Variants in C11orf97 observed in about 807,000 individuals in gnomAD.
The protein encoded by C11orf97 is chromosome 11 open reading frame 97.
A neutral mutation model predicts 16.2 loss-of-function variants in C11orf97; 15 were observed. That is an observed-to-expected ratio of 0.93 (90% CI 0.62 to 1.43). C11orf97 has a LOEUF of 1.43. C11orf97 is among the 40% of genes most tolerant of loss of function. C11orf97 has a pLI of 0.00. For synonymous variants in C11orf97, 61 were observed against 65.7 expected (o/e 0.93, Z 0.34); for missense variants, 171 against 161.2 (o/e 1.06, Z -0.33).
chr11:94,532,086 C>A lies in C11orf97; in HGVS notation c.*186C>A. The A allele has an allele frequency of 2.5e-6, 1 of 398,940 alleles. No individual in the cohort carries two copies. The highest frequency in any genetic ancestry group is 4.4e-6 in the Non-Finnish European group (1 of 228,476). 24.7% of individuals were successfully genotyped at this position (398,940 alleles called of 1,614,324 possible). A position where few individuals can be genotyped will look rare whatever the true frequency, so the allele number is the denominator to read the frequency against. ...GTAATGAAAGACTATTGGTAATGTTCAGTAAGTACCTGAAAACAATAAAGG... is the reference window on the plus strand; with the variant it reads ...GTAATGAAAGACTATTGGTAATGTTAAGTAAGTACCTGAAAACAATAAAGG... On this transcript the variant is annotated 3_prime_UTR_variant, in exon 4 of 4. Transcript: ENST00000542198.
chr11:94,520,441 G>A (rs1341097943), intron 2 of C11orf97, among the ~76,000 whole-genome samples: 3 of 152,042 alleles, frequency 2.0e-5, no homozygotes, highest in African/African-American at 4.8e-5. Context: ...CCCTCACACC[G>A]TGGGATATCT....
intron 3 of C11orf97, among the ~76,000 whole-genome samples, chr11:94,531,526 CAAA>C (rs35270400): frequency 0.15 from 13,705 of 91,942 alleles, 762 homozygotes; most frequent in African/African-American, 0.25. Flanking sequence ...CAAAACAAGC[CAAA>C]AAAAAAAAAA....
intron 1 of C11orf97, among the ~76,000 whole-genome samples, chr11:94,516,690 T>A (rs1000611251): frequency 1.6e-4 from 24 of 152,292 alleles, no homozygotes; most frequent in African/African-American, 5.5e-4. Context: ...GAGGGTGCCA[T>A]GATAAAAAGT....
At chr11:94,527,630 G>T (rs1947709876) in intron 2 of C11orf97, among the ~76,000 whole-genome samples, 2 of 152,194 alleles carry the variant, frequency 1.3e-5, no homozygotes, top group Admixed American at 1.3e-4. Context: ...CATCTAGTTT[G>T]TGGCTTTTAG....
Position 94,528,154 on chromosome 11 carries a change from C to A in C11orf97, c.321C>A (p.Ser107Arg). Reference sequence around the variant, plus strand: ...GAGGCTTGAAGCCAGGACTGCCGAGCAGAAACAGTTTATTGCCACAAGCCA... The same window carrying A: ...GAGGCTTGAAGCCAGGACTGCCGAGAAGAAACAGTTTATTGCCACAAGCCA... Reference protein sequence around the residue: ...PVGGLKPGLPSRNSLLPQAKY... With the variant: ...PVGGLKPGLPRRNSLLPQAKY... Residue 107 changes from serine to arginine, a missense_variant, in exon 3 of 4, where the codon AGC (serine) becomes AGA (arginine). Coordinates refer to ENST00000542198, the MANE Select transcript of C11orf97 (RefSeq NM_001190462.2). 1 of 1,535,950 alleles carries A rather than the reference C, an allele frequency of 6.5e-7. No individual in the cohort carries two copies. The highest frequency in any genetic ancestry group is 8.7e-7 in the Non-Finnish European group (1 of 1,146,806).
chr11:94,523,493 A>G (rs1438466451), intron 2 of C11orf97, among the ~76,000 whole-genome samples: 1 of 152,182 alleles, frequency 6.6e-6, no homozygotes, highest in South Asian at 2.1e-4. Context: ...TATTTATTGA[A>G]CTTATTGAAG....
intron 2 of C11orf97, among the ~76,000 whole-genome samples, chr11:94,518,071 C>A (rs1041226416): frequency 6.1e-5 from 9 of 148,404 alleles, no homozygotes. Flanking sequence ...ATGGCGTGAA[C>A]CGGGAGGCAG....
At chr11:94,517,524 T>C (rs1045720066) in intron 1 of C11orf97, 59 bp from the exon 2 acceptor site, 35 of 987,600 alleles carry the variant, frequency 3.5e-5, no homozygotes, top group African/African-American at 8.3e-5. Context: ...GTAGATATAA[T>C]GGCTAGAAGA....
chr11:94,517,616 G>C lies in C11orf97; in HGVS notation c.179G>C (p.Arg60Thr), dbSNP rs1448963374. 2.6e-6 allele frequency: 4 copies of C among 1,531,766 alleles called. No individual in the cohort carries two copies. Among genetic ancestry groups the C allele is most frequent in the Non-Finnish European group, 3.5e-6 (4 of 1,145,494 alleles). 94.9% of individuals were successfully genotyped at this position (1,531,766 alleles called of 1,614,324 possible). The change falls in exon 2 of 4, where the codon AGA (arginine) becomes ACA (threonine). Residue 60 changes from arginine (R) to threonine (T), a missense_variant. Arg to Thr is a moderately conservative substitution (Grantham distance 71, BLOSUM62 -1). Transcript: ENST00000542198. ...KKFLYCEPHKRIKEVLEEERH... is the reference protein window; with the variant it reads ...KKFLYCEPHKTIKEVLEEERH... The stretch of plus-strand genomic sequence containing the variant: ...TTTTTATATTGTGAGCCACATAAGA[G>C]AATTAAGGAAGTACTGGAAGAAGAA...
chr11:94,518,120 C>T (rs1413488489), intron 2 of C11orf97, among the ~76,000 whole-genome samples: 1 of 135,264 alleles, frequency 7.4e-6, no homozygotes, highest in Non-Finnish European at 1.5e-5. Flanking sequence ...TGTACCCCAG[C>T]CTGGGTGACA....
rs972106629 is a variant in C11orf97, at chr11:94,528,123, C to T, written c.290C>T (p.Pro97Leu). The change falls in exon 3 of 4, where the codon CCT (proline) becomes CTT (leucine). Residue 97 changes from proline (P) to leucine (L), a missense_variant. Physicochemically the swap from Pro to Leu is moderately conservative, Grantham distance 98. Transcript: ENST00000542198. ...EGIWSIKRNL[P>L]VGGLKPGLPS... ...ATTTGGAGCATTAAAAGGAATCTGCCTGTGGGAGGCTTGAAGCCAGGACTG... is the reference window on the plus strand; with the variant it reads ...ATTTGGAGCATTAAAAGGAATCTGCTTGTGGGAGGCTTGAAGCCAGGACTG... 15 of 1,535,572 alleles carry T rather than the reference C, an allele frequency of 9.8e-6. No individual in the cohort carries two copies. The African/African-American group carries it at 1.9e-4, about 20-fold the overall frequency.
chr11:94,531,583 C>T (rs1947739746), intron 3 of C11orf97, among the ~76,000 whole-genome samples: 1 of 148,236 alleles, frequency 6.7e-6, no homozygotes, highest in Non-Finnish European at 1.5e-5. Context: ...TTGAATGTGC[C>T]TACAATTCAC....
At chr11:94,517,799 A>C (rs948199196) in intron 2 of C11orf97, 112 bp downstream of exon 2, 4 of 715,262 alleles carry the variant, frequency 5.6e-6, no homozygotes, top group African/African-American at 5.5e-5. Context: ...GTTTTTGGAA[A>C]GTTCTTGAAC....
chr11:94,526,666 A>G (rs1947703394), intron 2 of C11orf97, among the ~76,000 whole-genome samples: 1 of 152,240 alleles, frequency 6.6e-6, no homozygotes, highest in Non-Finnish European at 1.5e-5. Context: ...TTTATTATCC[A>G]GAGGCTGGGG....
chr11:94,532,111 G>A lies in C11orf97; in HGVS notation c.*211G>A, dbSNP rs1280358051. On this transcript the variant is annotated 3_prime_UTR_variant, in exon 4 of 4. Transcript: ENST00000542198. ...CAGTAAGTACCTGAAAACAATAAAG[G>A]AAAATATACTTATTTTTAGTTGTCA... The A allele has an allele frequency of 8.0e-6, 3 of 373,872 alleles. No individual in the cohort carries two copies. Among genetic ancestry groups the A allele is most frequent in the Non-Finnish European group, 1.4e-5 (3 of 210,718 alleles). 23.2% of individuals were successfully genotyped at this position (373,872 alleles called of 1,614,324 possible).
chr11:94,522,790 T>C (rs535152040), intron 2 of C11orf97, among the ~76,000 whole-genome samples: 2 of 152,358 alleles, frequency 1.3e-5, no homozygotes, highest in Non-Finnish European at 1.5e-5. Flanking sequence ...TGCCCCGCAG[T>C]ATATTTTTTA....
intron 3 of C11orf97, among the ~76,000 whole-genome samples, chr11:94,530,110 T>C (rs1354062036): frequency 6.6e-6 from 1 of 152,222 alleles, no homozygotes; most frequent in Non-Finnish European, 1.5e-5. Context: ...GGACATATGA[T>C]AAAAAATGCA....
At chr11:94,526,416 T>C (rs1454009639) in intron 2 of C11orf97, among the ~76,000 whole-genome samples, 1 of 152,198 alleles carries the variant, frequency 6.6e-6, no homozygotes, top group Non-Finnish European at 1.5e-5. Flanking sequence ...ATTTCAGGTG[T>C]TTTTCTCTGT....
chr11:94,531,526 CAAAAAAAAAA>C, intron 3 of C11orf97, among the ~76,000 whole-genome samples: 1 of 92,086 alleles, frequency 1.1e-5, no homozygotes, highest in South Asian at 4.5e-4. Context: ...CAAAACAAGC[CAAAAAAAAAA>C]AAAAAAAAAA....
Sources: gnomAD v4.1 joint callset for allele counts (sites outside exome capture counted in the v4.1 genomes callset) on GRCh38, gnomAD v4.1.1 for gene constraint, MANE v1.5 for transcripts, NCBI Gene and HGNC (gene_info 2026-07-23, HGNC 2026-07-21) for gene names.